RPAP2: variants seen among roughly 807,000 people sequenced by gnomAD.
RPAP2 encodes the protein RNA polymerase II associated protein 2.
Under a neutral mutation model 73.1 loss-of-function variants are expected in RPAP2, and 52 were observed. The ratio of observed to expected loss-of-function variants is 0.71; its 90% confidence interval spans 0.57 to 0.90. The LOEUF (loss-of-function observed/expected upper bound fraction) is 0.90, where lower values mean the gene tolerates loss of function less well. Among genes scored for constraint, RPAP2 ranks in the 40% least tolerant of loss-of-function variants. The pLI is 0.00. For missense variants in RPAP2, 598 were observed against 701.8 expected (o/e 0.85, Z 1.67); for synonymous variants, 225 against 242.1 (o/e 0.93, Z 0.65).
chr1:92,303,882 C>G (rs1029036998), intron 3 of RPAP2, 95 bp from the exon 4 acceptor site: 73 of 740,198 alleles, frequency 9.9e-5, no homozygotes, highest in Middle Eastern at 7.0e-4. Context: ...TATTGCTATC[C>G]CTGTGTTTTC....
chr1:92,331,159 T>C (rs902220861), intron 8 of RPAP2, among the ~76,000 whole-genome samples: 4 of 152,250 alleles, frequency 2.6e-5, no homozygotes, highest in African/African-American at 7.2e-5. Flanking sequence ...AAAATTGTTA[T>C]GTCTTCCTGG....
In RPAP2 at chr1:92,387,250, C is replaced by T; in HGVS notation, c.*239C>T. The T allele has an allele frequency of 2.9e-6, 1 of 344,944 alleles. No homozygotes were observed. Among genetic ancestry groups the T allele is most frequent in the Non-Finnish European group, 5.2e-6 (1 of 191,326 alleles). 21.4% of individuals were successfully genotyped at this position (344,944 alleles called of 1,614,324 possible). A position where few individuals can be genotyped will look rare whatever the true frequency, so the allele number is the denominator to read the frequency against. ...TAACCAAGTCTTTGTATCCCTAGTA[C>T]AAGACATAGTATTTTTATTCGAAAA... On this transcript the variant is annotated 3_prime_UTR_variant, in exon 13 of 13. Coordinates refer to ENST00000610020, the MANE Select transcript of RPAP2 (RefSeq NM_024813.3).
intron 12 of RPAP2, among the ~76,000 whole-genome samples, chr1:92,384,930 G>A (rs376038256): frequency 2.0e-5 from 3 of 152,000 alleles, no homozygotes; most frequent in Admixed American, 6.6e-5. Flanking sequence ...TGGGAGGATC[G>A]CTTGAGCCCA....
intron 12 of RPAP2, among the ~76,000 whole-genome samples, chr1:92,386,567 G>A (rs945831306): frequency 6.6e-6 from 1 of 152,210 alleles, no homozygotes; most frequent in Non-Finnish European, 1.5e-5. Flanking sequence ...AGTTGAATAC[G>A]AAGCTCAGTC....
At chr1:92,361,001 C>T (rs1171961862) in intron 11 of RPAP2, among the ~76,000 whole-genome samples, 2 of 151,636 alleles carry the variant, frequency 1.3e-5, no homozygotes, top group Non-Finnish European at 2.9e-5. Flanking sequence ...CTTTTACCTT[C>T]CCCTGCCTTC....
Position 92,398,459 on chromosome 1 carries a change from A to G in RPAP2, c.*11448A>G, listed in dbSNP as rs1040657179. On this transcript the variant is annotated 3_prime_UTR_variant, in exon 13 of 13. Transcript: ENST00000610020. ...TCCTACTCATTAGGGGACAAGATCA[A>G]TTCTCTAAAAAATTAACCTAGCCCA... 6.6e-6 allele frequency: 1 copy of G among 152,204 alleles called. No homozygotes were observed. Among genetic ancestry groups the G allele is most frequent in the African/African-American group, 2.4e-5 (1 of 41,440 alleles). The allele number at this position is 152,204 out of a possible 1,614,324, so 9.4% of individuals were successfully genotyped here.
chr1:92,336,302 C>A, intron 9 of RPAP2, 45 bp from the exon 10 acceptor site: 1 of 1,380,566 alleles, frequency 7.2e-7, no homozygotes, highest in Non-Finnish European at 1.0e-6. Context: ...AAAAAAGTTT[C>A]CATATAATTT....
intron 7 of RPAP2, 108 bp downstream of exon 7, chr1:92,320,742 G>T (rs867529920): frequency 2.2e-5 from 17 of 757,202 alleles, no homozygotes; most frequent in Middle Eastern, 5.4e-4. Flanking sequence ...GATGCATTAT[G>T]TAAGTGTCCC....
intron 11 of RPAP2, among the ~76,000 whole-genome samples, chr1:92,372,266 G>A (rs570562122): frequency 6.6e-6 from 1 of 152,192 alleles, no homozygotes; most frequent in South Asian, 2.1e-4. Flanking sequence ...AAGTACTTTT[G>A]TTCCTGAGAA....
chr1:92,351,663 G>A lies in RPAP2; in HGVS notation c.1688+5749G>A, dbSNP rs571431454. Reference sequence around the variant, plus strand: ...CACAAGAGGTCACTGTGCTGATGGTGACCTAAAACTGAGAAATACAGGGAA... The same window carrying A: ...CACAAGAGGTCACTGTGCTGATGGTAACCTAAAACTGAGAAATACAGGGAA... On this transcript the variant is annotated intron_variant, in intron 11 of 12. Coordinates refer to ENST00000610020, the MANE Select transcript of RPAP2 (RefSeq NM_024813.3). Among the ~76,000 whole-genome samples, 3 of 152,208 alleles carry A rather than the reference G, an allele frequency of 2.0e-5. No individual in the cohort carries two copies. In the East Asian group the frequency reaches 5.8e-4, roughly 29 times the overall value.
chr1:92,381,588 C>T (rs199753917), intron 12 of RPAP2, among the ~76,000 whole-genome samples: 187 of 139,308 alleles, frequency 1.3e-3, no homozygotes, highest in Middle Eastern at 3.8e-3. Flanking sequence ...GGGAGATTTT[C>T]TTTTTTTTTT....
chr1:92,363,929 T>C (rs950599787), intron 11 of RPAP2, among the ~76,000 whole-genome samples: 7 of 152,200 alleles, frequency 4.6e-5, no homozygotes, highest in Non-Finnish European at 1.0e-4. Context: ...TTATGTTGTC[T>C]CTAAGGCTTC....
rs999906393 is a variant in RPAP2 at position 92,299,254 on chromosome 1, G to C, written c.73+108G>C. On this transcript the variant is annotated intron_variant, in intron 1 of 12. Transcript: ENST00000610020. ...TCCTGAAAGGCTGCTTCAGGGGAGG[G>C]GTTCTCCCAGGTAGAGTAGGCCGAA... is the stretch of plus-strand genomic sequence containing the variant. The C allele has an allele frequency of 7.2e-6, 4 of 554,940 alleles. No homozygotes were observed. In the African/African-American group the frequency reaches 7.9e-5, roughly 11 times the overall value. The allele number at this position is 554,940 out of a possible 1,614,324, so 34.4% of individuals were successfully genotyped here. A position where few individuals can be genotyped will look rare whatever the true frequency, so the allele number is the denominator to read the frequency against.
chr1:92,313,778 T>G (rs1651736092), intron 6 of RPAP2, among the ~76,000 whole-genome samples: 1 of 152,224 alleles, frequency 6.6e-6, no homozygotes, highest in South Asian at 2.1e-4. Flanking sequence ...CATTGAAAAT[T>G]TGTTTAGTGT....
intron 6 of RPAP2, among the ~76,000 whole-genome samples, chr1:92,313,014 C>T (rs772944672): frequency 1.3e-5 from 2 of 152,084 alleles, no homozygotes; most frequent in African/African-American, 2.4e-5. Flanking sequence ...CACAGGCATG[C>T]GCCACCACAC....
chr1:92,371,481 T>C (rs953415173), intron 11 of RPAP2, among the ~76,000 whole-genome samples: 1 of 151,810 alleles, frequency 6.6e-6, no homozygotes, highest in African/African-American at 2.4e-5. Flanking sequence ...TGCACTCCCA[T>C]TTTCATTGCA....
At chr1:92,368,082 G>A (rs939929819) in intron 11 of RPAP2, among the ~76,000 whole-genome samples, 5 of 152,186 alleles carry the variant, frequency 3.3e-5, no homozygotes, top group Non-Finnish European at 7.3e-5. Context: ...TTCAGTATGA[G>A]TGCAGTGAGC....
intron 11 of RPAP2, among the ~76,000 whole-genome samples, chr1:92,359,350 G>A (rs1051372880): frequency 7.2e-5 from 11 of 152,040 alleles, no homozygotes; most frequent in East Asian, 5.8e-4. Context: ...ACAGAGTTAC[G>A]CTCTTGTTGC....
In RPAP2 at chr1:92,338,681, TGCTCAG is replaced by T. The variant is rs1293873752; in HGVS notation, c.1619+2255_1619+2260del. 5.8e-3 allele frequency among the ~76,000 whole-genome samples: 877 copies of T among 151,444 alleles called. 5 individuals carry two copies. The highest frequency in any genetic ancestry group is 0.019 in the African/African-American group (770 of 41,242). ...TTTTTTTTTTTTAAAGACAGGGTCT[TGCTCAG>T]TTGCCCAGGCTGGAGTTCAGTGATG... On this transcript the variant is annotated intron_variant, in intron 10 of 12. Transcript: ENST00000610020.
Sources: allele counts gnomAD v4.1 joint callset (sites outside exome capture counted in the v4.1 genomes callset), GRCh38; gene constraint gnomAD v4.1.1; transcripts MANE v1.5; gene names NCBI Gene and HGNC (gene_info 2026-07-23, HGNC 2026-07-21).